The following MAGI2 variants were observed in gnomAD, a reference collection of about 807,000 sequenced individuals.
The protein encoded by MAGI2 is membrane associated guanylate kinase, WW and PDZ domain containing 2, also known as membrane-associated guanylate kinase, WW and PDZ domain-containing protein 2.
In MAGI2, 35 loss-of-function variants were observed where a neutral mutation model predicts 133.3. The ratio of observed to expected loss-of-function variants is 0.26; its 90% confidence interval spans 0.20 to 0.35. The LOEUF (loss-of-function observed/expected upper bound fraction) is 0.35, where lower values mean the gene tolerates loss of function less well. MAGI2 is among the 10% of genes least tolerant of loss of function. The pLI is 1.00. For synonymous variants in MAGI2, 729 were observed against 710.6 expected (o/e 1.03, Z -0.41); for missense variants, 1,636 against 1,863.4 (o/e 0.88, Z 2.25).
At chr7:79,121,424 C>A (rs1819883460) in intron 1 of MAGI2, among the ~76,000 whole-genome samples, 1 of 151,284 alleles carries the variant, frequency 6.6e-6, no homozygotes, top group African/African-American at 2.4e-5. Context: ...TTTCTTTTTT[C>A]TAAAAAAAAA....
At chr7:78,832,929 C>G (rs760895325) in intron 2 of MAGI2, among the ~76,000 whole-genome samples, 1 of 152,098 alleles carries the variant, frequency 6.6e-6, no homozygotes, top group Non-Finnish European at 1.5e-5. Flanking sequence ...TTGTGGAGAG[C>G]CTATAAACCG....
chr7:78,560,028 G>T (rs1800245789), intron 3 of MAGI2, among the ~76,000 whole-genome samples: 1 of 152,048 alleles, frequency 6.6e-6, no homozygotes, highest in Non-Finnish European at 1.5e-5. Context: ...TTCACCAAAG[G>T]CATGCAGCTT....
intron 3 of MAGI2, among the ~76,000 whole-genome samples, chr7:78,568,617 C>T (rs1050295129): frequency 4.6e-5 from 7 of 152,228 alleles, no homozygotes; most frequent in African/African-American, 1.7e-4. Context: ...TCAGTGGTTC[C>T]ACAACCAGCT....
At chr7:79,452,261 C>A (rs564852082) in intron 1 of MAGI2, among the ~76,000 whole-genome samples, 1 of 152,174 alleles carries the variant, frequency 6.6e-6, no homozygotes, top group Admixed American at 6.5e-5. Flanking sequence ...GACCCCCGCC[C>A]AGCACTAGAC....
At chr7:78,614,446 C>T (rs1806845440) in intron 3 of MAGI2, 1 of 151,952 alleles carries the variant, frequency 6.6e-6, no homozygotes, top group African/African-American at 2.4e-5. Context: ...ATTTTAAATC[C>T]AGCACATTCA....
intron 21 of MAGI2, among the ~76,000 whole-genome samples, chr7:78,058,367 C>T (rs1286929997): frequency 6.6e-6 from 1 of 152,138 alleles, no homozygotes; most frequent in East Asian, 1.9e-4. Flanking sequence ...TTTCCGTGCC[C>T]TTCCCTGGGG....
At chr7:78,953,582 A>G (rs1487559999) in intron 2 of MAGI2, among the ~76,000 whole-genome samples, 1 of 152,182 alleles carries the variant, frequency 6.6e-6, no homozygotes, top group South Asian at 2.1e-4. Flanking sequence ...AGTAGTTTAA[A>G]TTGTGAATTC....
At chr7:78,350,454 G>A (rs1352531928) in intron 7 of MAGI2, 1 of 152,236 alleles carries the variant, frequency 6.6e-6, no homozygotes, top group Non-Finnish European at 1.5e-5. Context: ...GGTGTCTCTA[G>A]TGTGCAGCTA....
At chr7:78,090,130 C>G (rs1817040247) in intron 20 of MAGI2, among the ~76,000 whole-genome samples, 1 of 152,182 alleles carries the variant, frequency 6.6e-6, no homozygotes, top group African/African-American at 2.4e-5. Context: ...CTTCAAGGCT[C>G]TGCTCAAATC....
chr7:78,183,907 A>G (rs528336416), intron 13 of MAGI2, among the ~76,000 whole-genome samples: 11 of 152,236 alleles, frequency 7.2e-5, no homozygotes, highest in Admixed American at 2.0e-4. Flanking sequence ...TTTCCAGAAT[A>G]TTCTGATAAC....
At chr7:78,883,171 A>G (rs1257161921) in intron 2 of MAGI2, among the ~76,000 whole-genome samples, 1 of 152,148 alleles carries the variant, frequency 6.6e-6, no homozygotes, top group African/African-American at 2.4e-5. Flanking sequence ...AACATAATCA[A>G]CATACAAAAG....
At chr7:79,088,969 A>G (rs1489256018) in intron 1 of MAGI2, among the ~76,000 whole-genome samples, 2 of 152,148 alleles carry the variant, frequency 1.3e-5, no homozygotes, top group South Asian at 2.1e-4. Context: ...TAAACTAAAG[A>G]GTTTCTCTAA....
chr7:78,595,689 A>G (rs1343730207), intron 3 of MAGI2, among the ~76,000 whole-genome samples: 3 of 152,206 alleles, frequency 2.0e-5, no homozygotes. Flanking sequence ...CCAAAATTCA[A>G]TGGAGAATAA....
intron 3 of MAGI2, among the ~76,000 whole-genome samples, chr7:78,592,790 A>G (rs1804150848): frequency 6.6e-6 from 1 of 151,454 alleles, no homozygotes. Flanking sequence ...TACACATTGT[A>G]AAAGCCCTTG....
intron 1 of MAGI2, among the ~76,000 whole-genome samples, chr7:79,272,262 T>G (rs562864326): frequency 1.7e-4 from 26 of 152,158 alleles, no homozygotes; most frequent in Non-Finnish European, 3.7e-4. Context: ...TTCTACTCTT[T>G]GACCAATAGG....
intron 2 of MAGI2, among the ~76,000 whole-genome samples, chr7:78,773,454 A>T (rs1288843296): frequency 6.6e-6 from 1 of 152,246 alleles, no homozygotes; most frequent in Non-Finnish European, 1.5e-5. Flanking sequence ...ATAAATGTTT[A>T]CTAATGCACT....
rs369255072 is a variant in MAGI2, at chr7:79,052,635, G to A, written c.302-45429C>T. 4.1e-4 allele frequency among the ~76,000 whole-genome samples: 63 copies of A among 152,096 alleles called. 2 individuals are homozygous for A. In the East Asian group the frequency reaches 0.011, roughly 27 times the overall value. ...AACTATGATTCCGTGTGTTTAATAT[G>A]AAAACGAATTAATATTAGAAACCTA... On this transcript the variant is annotated intron_variant, in intron 1 of 21. Coordinates refer to ENST00000354212, the MANE Select transcript of MAGI2 (RefSeq NM_012301.4).
chr7:78,444,370 G>T (rs1787921572), intron 6 of MAGI2, among the ~76,000 whole-genome samples: 1 of 151,968 alleles, frequency 6.6e-6, no homozygotes, highest in Admixed American at 6.6e-5. Context: ...CCATCAGTAG[G>T]TCCCTCACAA....
At chr7:78,911,965 G>A (rs1010112602) in intron 2 of MAGI2, among the ~76,000 whole-genome samples, 6 of 152,006 alleles carry the variant, frequency 3.9e-5, no homozygotes, top group African/African-American at 1.4e-4. Flanking sequence ...TGTCTTTTAC[G>A]GGAACACAGA....
Sources: gnomAD v4.1 joint callset for allele counts (sites outside exome capture counted in the v4.1 genomes callset) on GRCh38, gnomAD v4.1.1 for gene constraint, MANE v1.5 for transcripts, NCBI Gene and HGNC (gene_info 2026-07-23, HGNC 2026-07-21) for gene names.